Variants in FRY observed in about 807,000 individuals in gnomAD.
FRY encodes the protein FRY microtubule binding protein.
A neutral mutation model predicts 348.4 loss-of-function variants in FRY; 128 were observed. The observed-to-expected ratio is 0.37, with a 90% CI of 0.32 to 0.43. FRY has a LOEUF of 0.43. FRY is among the 20% of genes least tolerant of loss of function. The probability of loss-of-function intolerance (pLI) is 1.00; values close to 1 mark genes in which losing one functional copy is unlikely to be tolerated. For synonymous variants in FRY, 1,370 were observed against 1,374.7 expected (o/e 1.00, Z 0.08); for missense variants, 2,736 against 3,695.2 (o/e 0.74, Z 6.73).
At chr13:32,081,305 G>A (rs928412341) in intron 2 of FRY, among the ~76,000 whole-genome samples, 2 of 152,148 alleles carry the variant, frequency 1.3e-5, no homozygotes, top group African/African-American at 4.8e-5. Flanking sequence ...CTGAAGAGAT[G>A]AATCTAATCA....
At chr13:32,241,357 G>A (rs1425560253) in intron 46 of FRY, among the ~76,000 whole-genome samples, 1 of 152,208 alleles carries the variant, frequency 6.6e-6, no homozygotes, top group Non-Finnish European at 1.5e-5. Context: ...TTCCACGTGG[G>A]TGAACCTTGA....
intron 8 of FRY, among the ~76,000 whole-genome samples, chr13:32,133,894 C>T (rs1404136314): frequency 6.6e-6 from 1 of 151,620 alleles, no homozygotes; most frequent in Non-Finnish European, 1.5e-5. Context: ...ATCCTCCCAC[C>T]TCAGCCTCCC....
At chr13:32,245,847 G>A (rs1350042001) in intron 47 of FRY, among the ~76,000 whole-genome samples, 1 of 152,154 alleles carries the variant, frequency 6.6e-6, no homozygotes, top group Non-Finnish European at 1.5e-5. Context: ...GTAACTTGTA[G>A]GATTCAAGGG....
rs1426304611 is a variant in FRY at position 32,294,437 on chromosome 13, G to C, written c.8650G>C (p.Ala2884Pro). 1.2e-6 allele frequency: 2 copies of C among 1,614,048 alleles called. No individual in the cohort carries two copies. Among genetic ancestry groups the C allele is most frequent in the Admixed American group, 1.7e-5 (1 of 60,030 alleles). The change falls in exon 60 of 61, where the codon GCT becomes CCT. Residue 2884 changes from alanine (A) to proline (P), a missense_variant. By Grantham distance (27) the Ala-to-Pro change is conservative (BLOSUM62 -1). Transcript: ENST00000542859. ...GAAGGAAGCCAGTGCAGTCATTGCA[G>C]CTGACCCTCTCTATTCAGACGGCGC... The part of the protein sequence containing the change: ...HLKEASAVIA[A>P]DPLYSDGAWS...
chr13:32,145,984 T>C (rs1385021673), intron 11 of FRY, among the ~76,000 whole-genome samples: 1 of 152,110 alleles, frequency 6.6e-6, no homozygotes, highest in Non-Finnish European at 1.5e-5. Flanking sequence ...AAGCCTATTC[T>C]CCTCATGAAA....
Position 32,274,948 on chromosome 13 carries a change from C to A in FRY, c.8243C>A (p.Thr2748Asn). Residue 2748 changes from threonine (T) to asparagine (N), a missense_variant, in exon 56 of 61, where the codon ACC becomes AAC. Thr to Asn is a moderately conservative substitution (Grantham distance 65). Coordinates refer to ENST00000542859, the MANE Select transcript of FRY (RefSeq NM_023037.3). ...TTTGTCAGCTCTTCCCAGATGCTCA[C>A]CTCCTGCTCTGAATGTCCTACACTT... is the stretch of plus-strand genomic sequence containing the variant. ...SKFVSSSQML[T>N]SCSECPTLFV... is the part of the protein sequence containing the mutation. 1 of 1,613,716 alleles carries A rather than the reference C, an allele frequency of 6.2e-7. No homozygotes were observed. The highest frequency in any genetic ancestry group is 8.5e-7 in the Non-Finnish European group (1 of 1,179,674).
rs1293706917 is a variant in FRY at position 32,262,383 on chromosome 13, C to T, written c.7687C>T (p.Pro2563Ser). The T allele has an allele frequency of 6.2e-7, 1 of 1,613,304 alleles. No homozygotes were observed. The highest frequency in any genetic ancestry group is 2.2e-5 in the East Asian group (1 of 44,884). ...ELLTTACDST[P>S]AEPHSFNTRM... ...GCTCACCACAGCCTGTGACTCGACC[C>T]CTGCAGAACCTCATTCCTTTAACAC... The change falls in exon 53 of 61, where the codon CCT (proline) becomes TCT (serine). Residue 2563 changes from proline to serine, a missense_variant. Pro to Ser is a moderately conservative substitution (Grantham distance 74). Transcript: ENST00000542859.
chr13:32,228,950 C>T (rs1885763555), intron 40 of FRY, among the ~76,000 whole-genome samples: 1 of 152,082 alleles, frequency 6.6e-6, no homozygotes, highest in African/African-American at 2.4e-5. Context: ...ATGGTAGTGC[C>T]CCACAGTGAG....
At chr13:32,033,199 T>C (rs567411616) in intron 1 of FRY, among the ~76,000 whole-genome samples, 69 of 152,322 alleles carry the variant, frequency 4.5e-4, no homozygotes, top group African/African-American at 9.1e-4. Flanking sequence ...ATCATTTAAC[T>C]TGGACTCATT....
At chr13:32,246,626 C>G (rs1169555568) in intron 47 of FRY, among the ~76,000 whole-genome samples, 1 of 152,158 alleles carries the variant, frequency 6.6e-6, no homozygotes, top group East Asian at 1.9e-4. Flanking sequence ...GTGGCTTGGT[C>G]TGAAGAGTTC....
chr13:32,268,469 T>G, intron 55 of FRY, among the ~76,000 whole-genome samples: 1 of 134,606 alleles, frequency 7.4e-6, no homozygotes. Context: ...ATATTATAGT[T>G]AAAGAGAAAG....
In FRY at chr13:32,256,535, A is replaced by C. The variant is rs1301199660; in HGVS notation, c.7416+2141A>C. ...GATGACAGAGTGAGACCCTGTGTCC[A>C]AAAAAAAAAAAAAATTTAGAAGAAG... On this transcript the variant is annotated intron_variant, in intron 51 of 60. Coordinates refer to ENST00000542859, the MANE Select transcript of FRY (RefSeq NM_023037.3). Among the ~76,000 whole-genome samples, 8 of 139,352 alleles carry C rather than the reference A, an allele frequency of 5.7e-5. No individual in the cohort carries two copies. The South Asian group carries it at 1.1e-3, about 19-fold the overall frequency. 91.4% of individuals were successfully genotyped at this position (139,352 alleles called of 152,430 possible).
At chr13:32,236,584 A>T (rs1886238482) in intron 43 of FRY, among the ~76,000 whole-genome samples, 1 of 152,202 alleles carries the variant, frequency 6.6e-6, no homozygotes, top group South Asian at 2.1e-4. Context: ...TGCCATAAAA[A>T]CAGTTGGAAT....
intron 3 of FRY, among the ~76,000 whole-genome samples, chr13:32,102,952 C>G (rs992538000): frequency 3.9e-5 from 6 of 152,224 alleles, no homozygotes; most frequent in Admixed American, 2.0e-4. Context: ...AGGGTGTACA[C>G]TTTCTGTCGG....
At chr13:32,231,602 A>G (rs1258567096) in intron 41 of FRY, among the ~76,000 whole-genome samples, 1 of 152,250 alleles carries the variant, frequency 6.6e-6, no homozygotes. Context: ...GCTATGAGGA[A>G]TAAATCTCAT....
intron 2 of FRY, among the ~76,000 whole-genome samples, chr13:32,084,612 C>G (rs967127630): frequency 2.0e-5 from 3 of 152,216 alleles, no homozygotes; most frequent in Admixed American, 1.3e-4. Flanking sequence ...ATCTAAGCTA[C>G]TGTATCATTC....
intron 3 of FRY, among the ~76,000 whole-genome samples, chr13:32,109,229 A>T (rs1471243213): frequency 6.6e-6 from 1 of 152,218 alleles, no homozygotes; most frequent in Admixed American, 6.5e-5. Context: ...AGCGATTTCC[A>T]TTCAATTAAA....
chr13:32,176,440 A>G (rs1593699575), intron 20 of FRY, among the ~76,000 whole-genome samples: 1 of 152,294 alleles, frequency 6.6e-6, no homozygotes, highest in East Asian at 1.9e-4. Flanking sequence ...AAACCTGAAG[A>G]CATTTCAGAG....
At position 32,294,502 on chromosome 13, in the gene FRY, C is replaced by G. The variant is rs370926115; in HGVS notation, c.8715C>G (p.Ile2905Met). ...EPTFTSTEAA[I>M]QSMLECLKNN... is the part of the protein sequence containing the mutation. ...CCTTCACGTCCACTGAAGCAGCCATCCAGTCCATGCTGGAGTGCCTGAAGA... is the reference window on the plus strand; with the variant it reads ...CCTTCACGTCCACTGAAGCAGCCATGCAGTCCATGCTGGAGTGCCTGAAGA... The change falls in exon 60 of 61, where the codon ATC becomes ATG. Residue 2905 changes from isoleucine to methionine, a missense_variant. Coordinates refer to ENST00000542859, the MANE Select transcript of FRY (RefSeq NM_023037.3). 2 of 1,614,122 alleles carry G rather than the reference C, an allele frequency of 1.2e-6. No individual in the cohort carries two copies. The highest frequency in any genetic ancestry group is 1.7e-6 in the Non-Finnish European group (2 of 1,179,952).
Sources: allele counts gnomAD v4.1 joint callset (sites outside exome capture counted in the v4.1 genomes callset), GRCh38; gene constraint gnomAD v4.1.1; transcripts MANE v1.5; gene names NCBI Gene and HGNC (gene_info 2026-07-23, HGNC 2026-07-21).